C11orf65: variants seen among roughly 807,000 people sequenced by gnomAD.
C11orf65 encodes the protein chromosome 11 open reading frame 65, also known as protein MFI.
C11orf65 carries 38 observed loss-of-function variants against 35.3 expected under a neutral mutation model. The ratio of observed to expected loss-of-function variants is 1.08; its 90% confidence interval spans 0.83 to 1.41. The LOEUF is 1.41. C11orf65 is among the 40% of genes most tolerant of loss of function. C11orf65 has a pLI of 0.00. For missense variants in C11orf65, 370 were observed against 367.1 expected, an observed-to-expected ratio of 1.01 and a Z score of -0.06; for synonymous variants, 105 against 114.4, an observed-to-expected ratio of 0.92 and a Z score of 0.53.
At position 108,335,021 on chromosome 11, in the gene C11orf65, C is replaced by T. The variant is rs2086677054; in HGVS notation, c.299+199G>A. 1.2e-6 allele frequency: 2 copies of T among 1,613,868 alleles called. No individual in the cohort carries two copies. Among genetic ancestry groups the T allele is most frequent in the South Asian group, 1.1e-5 (1 of 91,080 alleles). On this transcript the variant is annotated intron_variant, in intron 3 of 3. Transcript: ENST00000524755. ...CTGGTGACTATACAGTCATTTAAAG[C>T]AGAATTTCGCTTAGCAGGAGGTGTA...
At chr11:108,355,259 A>C (rs1172604380) in intron 2 of C11orf65, 1 of 240,124 alleles carries the variant, frequency 4.2e-6, no homozygotes, top group Non-Finnish European at 8.2e-6. Flanking sequence ...TTAGTCAGAC[A>C]AATGGAGATC....
chr11:108,383,638 T>C (rs1214492800), intron 8 of C11orf65, among the ~76,000 whole-genome samples: 1 of 152,216 alleles, frequency 6.6e-6, no homozygotes, highest in African/African-American at 2.4e-5. Context: ...CAAGAGCTCA[T>C]GTTTCTCAAT....
At chr11:108,310,389 T>G in intron 6 of C11orf65, 1 of 1,390,692 alleles carries the variant, frequency 7.2e-7, no homozygotes, top group African/African-American at 1.4e-5. Flanking sequence ...TAGTAAAGAT[T>G]TATTTTGCCT....
chr11:108,332,807 A>G lies in C11orf65; in HGVS notation c.300-1240T>C. On this transcript the variant is annotated intron_variant, in intron 3 of 3. Transcript: ENST00000524755. ...TAGAATAATATGTACTATCAGAAGT[A>G]GGAGACCTCAGATGGTCAGAAGTGT... The G allele has an allele frequency of 6.2e-7, 1 of 1,613,476 alleles. No homozygotes were observed. Among genetic ancestry groups the G allele is most frequent in the Non-Finnish European group, 8.5e-7 (1 of 1,179,708 alleles).
At chr11:108,404,010 G>A (rs1226095009) in intron 6 of C11orf65, among the ~76,000 whole-genome samples, 1 of 152,030 alleles carries the variant, frequency 6.6e-6, no homozygotes, top group Non-Finnish European at 1.5e-5. Context: ...CTTCTCACTT[G>A]GTGCCCATCT....
At chr11:108,361,484 C>T (rs1417145002) in intron 2 of C11orf65, among the ~76,000 whole-genome samples, 18 of 151,892 alleles carry the variant, frequency 1.2e-4, no homozygotes, top group Non-Finnish European at 1.5e-4. Flanking sequence ...GAGCCCGCAT[C>T]GGCAAGTCAA....
At chr11:108,464,397 A>G (rs1034020853) in intron 1 of C11orf65, among the ~76,000 whole-genome samples, 1 of 151,434 alleles carries the variant, frequency 6.6e-6, no homozygotes, top group African/African-American at 2.4e-5. Flanking sequence ...CCTGGGTTCA[A>G]GCGATTCTCC....
rs2086540615 is a variant in C11orf65, at chr11:108,333,868, C to T, written c.299+1352G>A. The stretch of plus-strand genomic sequence containing the variant: ...GTTCCTCAGTTTGTCACTAAAATCT[C>T]TTCATTTTTAAATACAGAAGGCATA... On this transcript the variant is annotated intron_variant, in intron 3 of 3. Coordinates refer to the C11orf65 transcript ENST00000524755. 4 of 1,575,742 alleles carry T rather than the reference C, an allele frequency of 2.5e-6. No homozygotes were observed. Among genetic ancestry groups the T allele is most frequent in the African/African-American group, 1.3e-5 (1 of 74,146 alleles).
intron 2 of C11orf65, among the ~76,000 whole-genome samples, chr11:108,375,727 T>C (rs2091704428): frequency 6.6e-6 from 1 of 152,106 alleles, no homozygotes; most frequent in South Asian, 2.1e-4. Context: ...CAGTGTGCTG[T>C]ATTCAGGAAA....
chr11:108,347,416 C>G (rs2137090663), intron 2 of C11orf65: 1 of 1,407,804 alleles, frequency 7.1e-7, no homozygotes, highest in Non-Finnish European at 1.0e-6. Flanking sequence ...ATTTGGTCAT[C>G]ATGGAATGTT....
chr11:108,317,617 A>G, intron 6 of C11orf65: 1 of 25,322 alleles, frequency 3.9e-5, no homozygotes, highest in South Asian at 1.7e-3. Context: ...GAGTTGTTTT[A>G]TATATATATA....
intron 3 of C11orf65, among the ~76,000 whole-genome samples, chr11:108,421,012 G>A (rs571927303): frequency 1.1e-4 from 17 of 152,094 alleles, no homozygotes; most frequent in Non-Finnish European, 2.2e-4. Flanking sequence ...ATATTATACA[G>A]CCACTACTTC....
chr11:108,376,602 T>C (rs1465600374), intron 2 of C11orf65, among the ~76,000 whole-genome samples: 3 of 151,486 alleles, frequency 2.0e-5, no homozygotes, highest in African/African-American at 7.3e-5. Flanking sequence ...ATTCAAAAGC[T>C]AGCAGAAGGC....
At chr11:108,359,769 C>T (rs1309702264) in intron 2 of C11orf65, among the ~76,000 whole-genome samples, 1 of 151,952 alleles carries the variant, frequency 6.6e-6, no homozygotes, top group African/African-American at 2.4e-5. Context: ...ACACAACGTA[C>T]CAGAATCTCT....
At chr11:108,412,722 G>T (rs1039406014) in intron 3 of C11orf65, among the ~76,000 whole-genome samples, 5 of 152,096 alleles carry the variant, frequency 3.3e-5, no homozygotes, top group African/African-American at 1.2e-4. Flanking sequence ...GGACAACAGA[G>T]TGAGGCTTTA....
At chr11:108,392,731 G>A (rs1466632426) in intron 7 of C11orf65, among the ~76,000 whole-genome samples, 3 of 152,078 alleles carry the variant, frequency 2.0e-5, no homozygotes, top group Non-Finnish European at 2.9e-5. Flanking sequence ...ATCTCATTAT[G>A]GTTTTGATTG....
intron 3 of C11orf65, among the ~76,000 whole-genome samples, chr11:108,427,591 G>A (rs1177642781): frequency 5.4e-5 from 8 of 148,902 alleles, no homozygotes; most frequent in Non-Finnish European, 1.2e-4. Flanking sequence ...GCATGGTGGC[G>A]CGCGTCTGTA....
At position 108,385,943 on chromosome 11, in the gene C11orf65, C is replaced by T; in HGVS notation, c.764G>A (p.Ser255Asn). ...YIASWKEIAT[S>N]NSSANFKGFR... ...ACCTTTGAAGTTAGCCGAAGAGTTG[C>T]TTGTAGCAATTTCCTTCCAGCTGGC... Residue 255 changes from serine (S) to asparagine (N), a missense_variant, in exon 8 of 9, where the codon AGC becomes AAC. Physicochemically the swap from Ser to Asn is conservative, Grantham distance 46. Coordinates refer to ENST00000393084, the MANE Select transcript of C11orf65 (RefSeq NM_152587.5). The T allele has an allele frequency of 2.5e-6, 4 of 1,613,848 alleles. No homozygotes were observed. The highest frequency in any genetic ancestry group is 3.4e-6 in the Non-Finnish European group (4 of 1,179,924).
intron 2 of C11orf65, among the ~76,000 whole-genome samples, chr11:108,372,962 C>T (rs1039168698): frequency 2.6e-5 from 4 of 152,066 alleles, no homozygotes; most frequent in Admixed American, 6.6e-5. Context: ...TGCTTGTAAT[C>T]CCAGCTACTC....
Sources: allele counts gnomAD v4.1 joint callset (sites outside exome capture counted in the v4.1 genomes callset), GRCh38; gene constraint gnomAD v4.1.1; transcripts MANE v1.5; gene names NCBI Gene and HGNC (gene_info 2026-07-23, HGNC 2026-07-21).